The following PPP3CA variants were observed in gnomAD, a reference collection of about 807,000 sequenced individuals.
PPP3CA encodes protein phosphatase 3 catalytic subunit alpha.
Under a neutral mutation model 66.5 loss-of-function variants are expected in PPP3CA, and 14 were observed. The observed-to-expected ratio is 0.21, with a 90% CI of 0.14 to 0.33. The LOEUF (loss-of-function observed/expected upper bound fraction) is 0.33. Among genes scored for constraint, PPP3CA ranks in the 10% least tolerant of loss-of-function variants. PPP3CA has a pLI of 1.00. For synonymous variants in PPP3CA, 232 were observed against 226.2 expected (o/e 1.03, Z -0.23); for missense variants, 317 against 639.5 (o/e 0.50, Z 5.44).
chr4:101,335,596 C>G (rs1227602996), intron 1 of PPP3CA, among the ~76,000 whole-genome samples: 1 of 152,104 alleles, frequency 6.6e-6, no homozygotes, highest in African/African-American at 2.4e-5. Flanking sequence ...CTTGAAACTG[C>G]CTAAGTTCTG....
chr4:101,298,414 A>G (rs1485800391), intron 1 of PPP3CA, among the ~76,000 whole-genome samples: 2 of 151,900 alleles, frequency 1.3e-5, no homozygotes, highest in South Asian at 4.2e-4. Context: ...CCACTTATAC[A>G]TGAATTTTTT....
rs143839415 is a variant in PPP3CA at position 101,134,613 on chromosome 4, G to C, written c.260-25535C>G. 2.7e-3 allele frequency among the ~76,000 whole-genome samples: 410 copies of C among 152,322 alleles called. 4 individuals are homozygous for C. The highest frequency in any genetic ancestry group is 9.5e-3 in the African/African-American group (393 of 41,576). ...GGAGAGGATGTAGAGAAATAGGAAA[G>C]ATTTTGCACTGTTGGTGGGAATGTA... On this transcript the variant is annotated intron_variant, in intron 2 of 13. Coordinates refer to ENST00000394854, the MANE Select transcript of PPP3CA (RefSeq NM_000944.5).
intron 2 of PPP3CA, among the ~76,000 whole-genome samples, chr4:101,164,567 T>TTTG (rs1553929959): frequency 6.6e-6 from 1 of 151,074 alleles, no homozygotes; most frequent in Non-Finnish European, 1.5e-5. Flanking sequence ...TTTAAGTTTT[T>TTTG]TTTTTTTTTT....
intron 11 of PPP3CA, among the ~76,000 whole-genome samples, chr4:101,034,460 G>A (rs892683984): frequency 1.3e-5 from 2 of 151,828 alleles, no homozygotes; most frequent in African/African-American, 4.8e-5. Flanking sequence ...GCTTATTTCT[G>A]GTCTCCTGTC....
intron 10 of PPP3CA, among the ~76,000 whole-genome samples, chr4:101,047,895 T>C (rs1296398761): frequency 1.3e-5 from 2 of 152,094 alleles, no homozygotes; most frequent in Non-Finnish European, 2.9e-5. Flanking sequence ...ATCAACTCTT[T>C]AGTTCCTAAC....
intron 1 of PPP3CA, among the ~76,000 whole-genome samples, chr4:101,310,603 T>A (rs1441451876): frequency 6.6e-6 from 1 of 151,908 alleles, no homozygotes. Flanking sequence ...AGCCCAGGAG[T>A]TAGTGAATAC....
intron 12 of PPP3CA, 142 bp from the exon 13 acceptor site, chr4:101,029,337 A>G: frequency 2.2e-6 from 1 of 459,454 alleles, no homozygotes; most frequent in East Asian, 3.8e-5. Flanking sequence ...AGACAACAAA[A>G]CAGAAATGCT....
At chr4:101,303,466 T>C (rs1408589657) in intron 1 of PPP3CA, among the ~76,000 whole-genome samples, 3 of 152,186 alleles carry the variant, frequency 2.0e-5, no homozygotes, top group African/African-American at 7.2e-5. Flanking sequence ...CTTTCTTTGC[T>C]CACTTCAAAA....
chr4:101,033,293 AACACACACACACACACACACACAC>A (rs70961772), intron 11 of PPP3CA, among the ~76,000 whole-genome samples: 1 of 139,370 alleles, frequency 7.2e-6, no homozygotes, highest in African/African-American at 2.7e-5. Flanking sequence ...CACACACACA[AACACACACACACACACACACACAC>A]ACACACACAC....
intron 8 of PPP3CA, among the ~76,000 whole-genome samples, chr4:101,063,912 C>T (rs1427761053): frequency 2.6e-5 from 4 of 151,848 alleles, no homozygotes; most frequent in Non-Finnish European, 5.9e-5. Context: ...GCACAGTAAT[C>T]AGATCAGGGT....
chr4:101,273,469 A>G (rs1727395872), intron 1 of PPP3CA, among the ~76,000 whole-genome samples: 2 of 152,082 alleles, frequency 1.3e-5, no homozygotes, highest in Admixed American at 6.5e-5. Flanking sequence ...TGGGACTACA[A>G]GTGCATGCCA....
chr4:101,277,190 C>T (rs556255090), intron 1 of PPP3CA, among the ~76,000 whole-genome samples: 6 of 152,156 alleles, frequency 3.9e-5, no homozygotes, highest in Non-Finnish European at 8.8e-5. Flanking sequence ...CTTTCACTTA[C>T]CAATTGACAT....
At chr4:101,102,081 C>T (rs1056533098) in intron 3 of PPP3CA, among the ~76,000 whole-genome samples, 4 of 152,096 alleles carry the variant, frequency 2.6e-5, no homozygotes, top group African/African-American at 9.7e-5. Context: ...ATGCACGATG[C>T]TAAATATTTC....
At chr4:101,062,342 A>C (rs1263052892) in intron 9 of PPP3CA, among the ~76,000 whole-genome samples, 4 of 151,982 alleles carry the variant, frequency 2.6e-5, no homozygotes, top group African/African-American at 9.7e-5. Flanking sequence ...TCATAACTTG[A>C]CTGGTTTAAT....
intron 11 of PPP3CA, among the ~76,000 whole-genome samples, chr4:101,033,286 ACACACAAACACAC>A (rs1727083431): frequency 6.9e-5 from 5 of 72,526 alleles, no homozygotes; most frequent in African/African-American, 1.1e-4. Context: ...ACACACACAC[ACACACAAACACAC>A]ACACACACAC....
intron 2 of PPP3CA, among the ~76,000 whole-genome samples, chr4:101,137,759 C>T (rs1036678648): frequency 1.3e-5 from 2 of 152,084 alleles, no homozygotes; most frequent in African/African-American, 4.8e-5. Flanking sequence ...ATGCTTCCCT[C>T]CTCTCAACGT....
chr4:101,175,372 T>C (rs1444709075), intron 2 of PPP3CA, among the ~76,000 whole-genome samples: 2 of 152,180 alleles, frequency 1.3e-5, no homozygotes, highest in African/African-American at 4.8e-5. Flanking sequence ...CAGGTAATTC[T>C]TGTACCTTGT....
chr4:101,136,536 G>C (rs1056713227), intron 2 of PPP3CA, among the ~76,000 whole-genome samples: 5 of 143,732 alleles, frequency 3.5e-5, no homozygotes, highest in African/African-American at 1.4e-4. Flanking sequence ...ACGAGACTCC[G>C]CCTCAAAAAA....
intron 1 of PPP3CA, among the ~76,000 whole-genome samples, chr4:101,290,243 A>C (rs531917495): frequency 2.0e-5 from 3 of 152,294 alleles, no homozygotes; most frequent in Non-Finnish European, 2.9e-5. Flanking sequence ...TTCTATAAGA[A>C]AGATCATTTC....
Sources: gnomAD v4.1 joint callset for allele counts (sites outside exome capture counted in the v4.1 genomes callset) on GRCh38, gnomAD v4.1.1 for gene constraint, MANE v1.5 for transcripts, NCBI Gene and HGNC (gene_info 2026-07-23, HGNC 2026-07-21) for gene names.